Variants in EFCAB6 observed in about 807,000 individuals in gnomAD.
The protein encoded by EFCAB6 is EF-hand calcium-binding domain-containing protein 6.
A neutral mutation model predicts 169.8 loss-of-function variants in EFCAB6; 156 were observed. The observed-to-expected ratio is 0.92, with a 90% confidence interval of 0.81 to 1.05. EFCAB6 has a LOEUF of 1.05. EFCAB6 is among the 50% of genes least tolerant of loss of function. The pLI, the probability that EFCAB6 is intolerant of heterozygous loss-of-function variation, is 0.00. For synonymous variants in EFCAB6, 698 were observed against 676.4 expected, an observed-to-expected ratio of 1.03 and a Z score of -0.50; for missense variants, 1,800 against 1,829.1, an observed-to-expected ratio of 0.98 and a Z score of 0.29.
At chr22:43,671,942 A>C in intron 15 of EFCAB6, 31 bp downstream of exon 15, 1 of 1,608,466 alleles carries the variant, frequency 6.2e-7, no homozygotes, top group Non-Finnish European at 8.5e-7. Flanking sequence ...GAAAAACACG[A>C]CATGAATTAA....
At chr22:43,796,358 A>G (rs1247211104) in intron 2 of EFCAB6, among the ~76,000 whole-genome samples, 1 of 152,240 alleles carries the variant, frequency 6.6e-6, no homozygotes, top group African/African-American at 2.4e-5. Flanking sequence ...AACTAAATTA[A>G]GTAATTGTGT....
chr22:43,733,480 G>T (rs538752103), intron 7 of EFCAB6, among the ~76,000 whole-genome samples: 7 of 152,214 alleles, frequency 4.6e-5, no homozygotes, highest in Non-Finnish European at 1.0e-4. Flanking sequence ...TCCTGATTAA[G>T]TATGGGGCTT....
chr22:43,753,519 A>C (rs776083637), intron 6 of EFCAB6, among the ~76,000 whole-genome samples: 5 of 152,136 alleles, frequency 3.3e-5, no homozygotes, highest in Non-Finnish European at 5.9e-5. Flanking sequence ...GTCACCAAGG[A>C]TGGAGAGATG....
At chr22:43,808,704 CTCAGAATA>C (rs1299924594) in intron 2 of EFCAB6, among the ~76,000 whole-genome samples, 2 of 152,086 alleles carry the variant, frequency 1.3e-5, no homozygotes, top group Non-Finnish European at 2.9e-5. Context: ...TAGGTGTCAC[CTCAGAATA>C]TCAGAATAAA....
intron 22 of EFCAB6, among the ~76,000 whole-genome samples, chr22:43,603,776 CATCT>C (rs537579748): frequency 2.0e-3 from 300 of 152,364 alleles, no homozygotes; most frequent in African/African-American, 7.0e-3. Flanking sequence ...TCTCAGGTAC[CATCT>C]TGGAGGGAGG....
chr22:43,802,791 T>C (rs2062771948), intron 2 of EFCAB6: 2 of 503,856 alleles, frequency 4.0e-6, no homozygotes, highest in Non-Finnish European at 7.8e-6. Flanking sequence ...GTGTGCATTT[T>C]TAATAACTGT....
chr22:43,773,483 T>A lies in EFCAB6; in HGVS notation c.140-380A>T, dbSNP rs1207755569. ...CTTGCCAATTTTTGAGGGAAAAACA[T>A]GTAATTCTTAAACCCAGACCATTTC... is the stretch of plus-strand genomic sequence containing the variant. On this transcript the variant is annotated intron_variant, in intron 3 of 31. Transcript: ENST00000262726. 2.0e-5 allele frequency among the ~76,000 whole-genome samples: 3 copies of A among 152,336 alleles called. No homozygotes were observed. The East Asian group carries it at 5.8e-4, about 29-fold the overall frequency.
At chr22:43,617,385 T>C (rs1354134048) in intron 20 of EFCAB6, among the ~76,000 whole-genome samples, 1 of 152,206 alleles carries the variant, frequency 6.6e-6, no homozygotes, top group African/African-American at 2.4e-5. Flanking sequence ...TAGATCCCAG[T>C]TGATCTCATG....
chr22:43,540,772 G>A (rs1037671070), intron 27 of EFCAB6, among the ~76,000 whole-genome samples: 1 of 152,192 alleles, frequency 6.6e-6, no homozygotes, highest in African/African-American at 2.4e-5. Flanking sequence ...GTACACCTGA[G>A]TTCTGCAAAC....
intron 27 of EFCAB6, chr22:43,552,601 A>C (rs892606536): frequency 1.3e-5 from 2 of 152,296 alleles, no homozygotes; most frequent in African/African-American, 2.4e-5. Flanking sequence ...GCTGCATGTA[A>C]GAGACACGTC....
chr22:43,699,502 T>C (rs1437098538), intron 10 of EFCAB6, among the ~76,000 whole-genome samples: 1 of 152,164 alleles, frequency 6.6e-6, no homozygotes, highest in African/African-American at 2.4e-5. Context: ...GGGTAAAAGA[T>C]CCTTTAATAA....
At position 43,589,929 on chromosome 22, in the gene EFCAB6, C is replaced by A. The variant is rs2051356546; in HGVS notation, c.3032+145G>T. ...TGCTTTGGGTAGACTCAAACCCATT[C>A]TAATGTAACCCAGCAAACAGGAAGA... On this transcript the variant is annotated intron_variant, in intron 24 of 31. Coordinates refer to ENST00000262726, the MANE Select transcript of EFCAB6 (RefSeq NM_022785.4). 24 of 1,073,882 alleles carry A rather than the reference C, an allele frequency of 2.2e-5. No individual in the cohort carries two copies. In the Admixed American group the frequency reaches 5.5e-4, roughly 25 times the overall value. The allele number at this position is 1,073,882 out of a possible 1,614,324, so 66.5% of individuals were successfully genotyped here. A position where few individuals can be genotyped will look rare whatever the true frequency, so the allele number is the denominator to read the frequency against.
chr22:43,773,405 T>C (rs2061541736), intron 3 of EFCAB6, among the ~76,000 whole-genome samples: 1 of 152,232 alleles, frequency 6.6e-6, no homozygotes, highest in South Asian at 2.1e-4. Context: ...AAAGAAAATT[T>C]AGTCAATATC....
intron 10 of EFCAB6, among the ~76,000 whole-genome samples, chr22:43,702,340 A>G (rs12168309): frequency 0.035 from 5,263 of 152,292 alleles, 338 homozygotes; most frequent in African/African-American, 0.12. Context: ...CAGAAAGTTC[A>G]ACTAGCAACC....
At chr22:43,598,053 T>C (rs1190582010) in intron 23 of EFCAB6, among the ~76,000 whole-genome samples, 1 of 152,140 alleles carries the variant, frequency 6.6e-6, no homozygotes, top group Non-Finnish European at 1.5e-5. Context: ...GGCTCACGCC[T>C]GTAAGACCAG....
intron 23 of EFCAB6, among the ~76,000 whole-genome samples, chr22:43,590,742 CAA>C (rs553431883): frequency 2.3e-3 from 188 of 80,002 alleles, no homozygotes; most frequent in African/African-American, 5.4e-3. Context: ...GTTTGAAGGC[CAA>C]AAAAAAAAAA....
At chr22:43,582,080 A>G (rs2050762495) in intron 24 of EFCAB6, among the ~76,000 whole-genome samples, 1 of 152,208 alleles carries the variant, frequency 6.6e-6, no homozygotes, top group Non-Finnish European at 1.5e-5. Context: ...AAAAAAGTTG[A>G]TCACCCGCAT....
intron 8 of EFCAB6, among the ~76,000 whole-genome samples, chr22:43,729,414 C>T (rs1603290556): frequency 6.6e-6 from 1 of 152,116 alleles, no homozygotes; most frequent in African/African-American, 2.4e-5. Context: ...TACATTTCAA[C>T]ATGAGATTTG....
chr22:43,775,742 C>G (rs2147997102), intron 3 of EFCAB6, among the ~76,000 whole-genome samples: 1 of 152,382 alleles, frequency 6.6e-6, no homozygotes, highest in East Asian at 1.9e-4. Context: ...CCGCACCCGG[C>G]CATGCCTGGT....
Sources: allele counts gnomAD v4.1 joint callset (sites outside exome capture counted in the v4.1 genomes callset), GRCh38; gene constraint gnomAD v4.1.1; transcripts MANE v1.5; gene names NCBI Gene and HGNC (gene_info 2026-07-23, HGNC 2026-07-21).